The following TOM1 variants were observed in gnomAD, a reference collection of about 807,000 sequenced individuals.
TOM1 encodes the protein target of myb1 membrane trafficking protein.
In TOM1, 38 loss-of-function variants were observed where a neutral mutation model predicts 61.3. The observed-to-expected ratio is 0.62, with a 90% CI of 0.48 to 0.81. The LOEUF is 0.81. TOM1 is among the 40% of genes least tolerant of loss of function. The pLI, the probability that TOM1 is intolerant of heterozygous loss-of-function variation, is 0.00. For missense variants in TOM1, 591 were observed against 659.6 expected (o/e 0.90, Z 1.14); for synonymous variants, 270 against 268.8 (o/e 1.00, Z -0.04).
intron 1 of TOM1, 54 bp downstream of exon 1, chr22:35,300,034 G>A (rs1358219637): frequency 4.5e-6 from 7 of 1,546,090 alleles, no homozygotes; most frequent in South Asian, 1.2e-5. Flanking sequence ...ACCCAGCTTC[G>A]GTCCCCTGGG....
rs145658731 is a variant in TOM1 at position 35,343,453 on chromosome 22, TACAC to T, written c.1225-2264_1225-2261del. ...CATATCTACACCCACCACACACACCTACACACACACATTCATACACCTACACACA... is the reference window on the plus strand; with the variant it reads ...CATATCTACACCCACCACACACACCTACACACATTCATACACCTACACACA... On this transcript the variant is annotated intron_variant, in intron 12 of 14. Transcript: ENST00000449058. Among the ~76,000 whole-genome samples the T allele has an allele frequency of 2.3e-4, 20 of 86,660 alleles. No homozygotes were observed. The East Asian group carries it at 2.5e-3, about 11-fold the overall frequency. The allele number at this position is 86,660 out of a possible 152,430, so 56.9% of individuals were successfully genotyped here.
At chr22:35,345,529 C>T in intron 12 of TOM1, 196 bp from the exon 13 acceptor site, 2 of 614,598 alleles carry the variant, frequency 3.3e-6, no homozygotes, top group Non-Finnish European at 5.9e-6. Flanking sequence ...GAGCCTGGTC[C>T]CCTGCTTAGT....
intron 1 of TOM1, among the ~76,000 whole-genome samples, chr22:35,307,825 G>A (rs1377817429): frequency 1.3e-5 from 2 of 152,222 alleles, no homozygotes; most frequent in Non-Finnish European, 2.9e-5. Flanking sequence ...GAACTTGTTT[G>A]TGTTGGTGCA....
chr22:35,304,126 T>C (rs1397720222), intron 1 of TOM1, among the ~76,000 whole-genome samples: 1 of 152,190 alleles, frequency 6.6e-6, no homozygotes, highest in Non-Finnish European at 1.5e-5. Context: ...AAAGCATCGC[T>C]TTCCAGGGTT....
At chr22:35,313,786 G>A (rs1927046382) in intron 1 of TOM1, among the ~76,000 whole-genome samples, 1 of 152,220 alleles carries the variant, frequency 6.6e-6, no homozygotes, top group Non-Finnish European at 1.5e-5. Flanking sequence ...CAGGTGCCCA[G>A]TGATCCGAAG....
At chr22:35,336,470 C>G (rs940162535) in intron 11 of TOM1, among the ~76,000 whole-genome samples, 1 of 152,250 alleles carries the variant, frequency 6.6e-6, no homozygotes, top group African/African-American at 2.4e-5. Flanking sequence ...TCTGCTCCAG[C>G]CTTGACCACA....
In TOM1 at chr22:35,323,352, G is replaced by A. The variant is rs903852162; in HGVS notation, c.367-144G>A. The A allele has an allele frequency of 2.2e-6, 3 of 1,357,138 alleles. No individual in the cohort carries two copies. The African/African-American group carries it at 4.4e-5, about 20-fold the overall frequency. 84.1% of individuals were successfully genotyped at this position (1,357,138 alleles called of 1,614,324 possible). A position where few individuals can be genotyped will look rare whatever the true frequency, so the allele number is the denominator to read the frequency against. On this transcript the variant is annotated intron_variant, in intron 4 of 14. Transcript: ENST00000449058. The surrounding 1 kb of genome is among the most constrained non-coding windows in gnomAD (Gnocchi z 4.2). ...GGGGAGGGAGGCTTGCCAACTGCGTGCTTTGCTGTGGAGTGGGCAGGGCAG... is the reference window on the plus strand; with the variant it reads ...GGGGAGGGAGGCTTGCCAACTGCGTACTTTGCTGTGGAGTGGGCAGGGCAG...
chr22:35,299,863 G>A (rs1490084899), upstream of TOM1: 4 of 1,538,130 alleles, frequency 2.6e-6, no homozygotes, highest in South Asian at 3.6e-5. Context: ...GTCACGTGAC[G>A]GGTCGGTGGC....
rs1422099491 is a variant in TOM1 at position 35,330,774 on chromosome 22, C to A, written c.899+294C>A. ...CTGAGAGCACGGCCCTGCAACCAGA[C>A]TGGCCTGGTGTGTCCTCGCCCACTC... On this transcript the variant is annotated intron_variant, in intron 8 of 14. Transcript: ENST00000449058. 3.3e-5 allele frequency among the ~76,000 whole-genome samples: 5 copies of A among 152,240 alleles called. No individual in the cohort carries two copies. In the East Asian group the frequency reaches 9.6e-4, roughly 29 times the overall value.
At chr22:35,331,036 G>A (rs1266348691) in intron 8 of TOM1, among the ~76,000 whole-genome samples, 1 of 151,802 alleles carries the variant, frequency 6.6e-6, no homozygotes, top group Non-Finnish European at 1.5e-5. Context: ...ATCTCCCCAG[G>A]GTGCTGCCAT....
chr22:35,333,587 C>G, intron 10 of TOM1, 90 bp downstream of exon 10: 1 of 1,148,450 alleles, frequency 8.7e-7, no homozygotes, highest in Non-Finnish European at 1.3e-6. Flanking sequence ...GTTATATACC[C>G]ACAGCAGAGT....
chr22:35,328,284 G>C (rs1327380243), intron 7 of TOM1, among the ~76,000 whole-genome samples: 1 of 152,224 alleles, frequency 6.6e-6, no homozygotes, highest in African/African-American at 2.4e-5. Context: ...TGCGCAGGCA[G>C]CCTCGCACGC....
intron 8 of TOM1, among the ~76,000 whole-genome samples, chr22:35,332,481 C>A (rs755154240): frequency 1.3e-4 from 20 of 152,068 alleles, no homozygotes; most frequent in Non-Finnish European, 2.5e-4. Flanking sequence ...CTTGAACAGA[C>A]CCCACACTAA....
intron 1 of TOM1, among the ~76,000 whole-genome samples, chr22:35,315,142 G>A (rs1171544071): frequency 6.6e-6 from 1 of 152,060 alleles, no homozygotes; most frequent in Non-Finnish European, 1.5e-5. Context: ...GAGGCAGGAG[G>A]AGGGAAGAAG....
At chr22:35,316,971 G>A (rs1927351795) in intron 1 of TOM1, among the ~76,000 whole-genome samples, 1 of 152,094 alleles carries the variant, frequency 6.6e-6, no homozygotes, top group East Asian at 1.9e-4. Context: ...AAGGGTACAG[G>A]AGGGCCAGGT....
intron 3 of TOM1, 160 bp from the exon 4 acceptor site, chr22:35,322,868 C>A: frequency 1.2e-6 from 1 of 857,730 alleles, no homozygotes; most frequent in Non-Finnish European, 1.7e-6. Flanking sequence ...CCAGTCCTGG[C>A]ATTGTCCCAG....
chr22:35,333,016 TAA>T lies in TOM1; in HGVS notation c.933+5_933+6del, dbSNP rs761700288. ...TTCCGAACAGGCCAGACCACCAAGG[TAA>T]AAGTCTTCTTTTCTGTGACTAGATC... On this transcript the variant is annotated splice_donor_region_variant and intron_variant, in intron 9 of 14. Coordinates refer to ENST00000449058, the MANE Select transcript of TOM1 (RefSeq NM_005488.3). The T allele has an allele frequency of 1.9e-5, 31 of 1,614,058 alleles. 1 individual carries two copies. Among genetic ancestry groups the T allele is most frequent in the Non-Finnish European group, 1.7e-6 (2 of 1,180,014 alleles).
chr22:35,334,734 A>C (rs1379401521), intron 11 of TOM1, among the ~76,000 whole-genome samples: 2 of 152,060 alleles, frequency 1.3e-5, no homozygotes, highest in South Asian at 2.1e-4. Flanking sequence ...AGGCACAGAG[A>C]GGGGCAGGCT....
intron 12 of TOM1, among the ~76,000 whole-genome samples, chr22:35,340,669 C>G (rs1929797424): frequency 6.6e-6 from 1 of 152,112 alleles, no homozygotes; most frequent in South Asian, 2.1e-4. Context: ...ATCGCTTGAG[C>G]ACAGGAGGTG....
Sources: allele counts gnomAD v4.1 joint callset (sites outside exome capture counted in the v4.1 genomes callset), GRCh38; gene constraint gnomAD v4.1.1; non-coding constraint Gnocchi (gnomAD v3.1); transcripts MANE v1.5; gene names NCBI Gene and HGNC (gene_info 2026-07-23, HGNC 2026-07-21).